MNAT1: variants seen among roughly 807,000 people sequenced by gnomAD.
MNAT1 encodes CDK-activating kinase assembly factor MAT1.
Under a neutral mutation model 42.0 loss-of-function variants are expected in MNAT1, and 43 were observed. That is an observed-to-expected ratio of 1.02 (90% confidence interval 0.80 to 1.32). The LOEUF is 1.32. Among genes scored for constraint, MNAT1 ranks in the 40% most tolerant of loss-of-function variants. The pLI is 0.00. For missense variants in MNAT1, 306 were observed against 350.4 expected (o/e 0.87, Z 1.01); for synonymous variants, 118 against 120.0 (o/e 0.98, Z 0.11).
intron 6 of MNAT1, among the ~76,000 whole-genome samples, chr14:60,869,642 G>C (rs151142943): frequency 2.6e-5 from 4 of 152,032 alleles, no homozygotes; most frequent in Non-Finnish European, 5.9e-5. Flanking sequence ...TTAACCTATC[G>C]GCCTAAATTG....
intron 1 of MNAT1, among the ~76,000 whole-genome samples, chr14:60,750,062 GA>G (rs1471882335): frequency 6.6e-6 from 1 of 152,046 alleles, no homozygotes; most frequent in Non-Finnish European, 1.5e-5. Context: ...TCGAGGTGGG[GA>G]CCAGTATTTT....
chr14:60,878,715 T>C (rs2034484229), intron 6 of MNAT1, among the ~76,000 whole-genome samples: 1 of 152,174 alleles, frequency 6.6e-6, no homozygotes. Flanking sequence ...ACTTTTGCTT[T>C]GACTGGACTA....
chr14:60,905,991 G>T (rs1019191287), intron 7 of MNAT1, among the ~76,000 whole-genome samples: 2 of 152,174 alleles, frequency 1.3e-5, no homozygotes, highest in African/African-American at 4.8e-5. Context: ...ACAAATAAAG[G>T]ATAAAAGGAT....
At chr14:60,915,469 G>A (rs2035492334) in intron 7 of MNAT1, among the ~76,000 whole-genome samples, 1 of 152,076 alleles carries the variant, frequency 6.6e-6, no homozygotes, top group South Asian at 2.1e-4. Flanking sequence ...TGTTTTTGGT[G>A]TCTCTTCACA....
intron 7 of MNAT1, among the ~76,000 whole-genome samples, chr14:60,944,648 G>T (rs1442735558): frequency 2.6e-5 from 4 of 152,120 alleles, no homozygotes; most frequent in African/African-American, 9.7e-5. Context: ...CTCAGGAAAG[G>T]TATGTGGCCT....
intron 7 of MNAT1, among the ~76,000 whole-genome samples, chr14:60,928,360 A>G (rs1014867752): frequency 3.3e-5 from 5 of 152,194 alleles, no homozygotes; most frequent in Admixed American, 2.0e-4. Context: ...ATGTTTTCAT[A>G]TATCTTGGAT....
chr14:60,794,983 A>G (rs1178116819), intron 1 of MNAT1, among the ~76,000 whole-genome samples: 1 of 152,082 alleles, frequency 6.6e-6, no homozygotes, highest in Non-Finnish European at 1.5e-5. Flanking sequence ...TTCTGTCTTT[A>G]TGAAATATAC....
chr14:60,736,476 C>T (rs1305294363), intron 1 of MNAT1, among the ~76,000 whole-genome samples: 1 of 152,080 alleles, frequency 6.6e-6, no homozygotes, highest in Non-Finnish European at 1.5e-5. Context: ...TTGTTGTATC[C>T]TCAGCCCTTT....
intron 1 of MNAT1, among the ~76,000 whole-genome samples, chr14:60,766,680 A>G (rs1349009273): frequency 6.6e-6 from 1 of 152,236 alleles, no homozygotes; most frequent in Non-Finnish European, 1.5e-5. Flanking sequence ...ACTGCACTCC[A>G]GCCTGGCGAC....
intron 1 of MNAT1, chr14:60,780,583 T>C (rs4151186): frequency 0.031 from 46,206 of 1,496,096 alleles, 1,187 homozygotes; most frequent in South Asian, 0.11. Flanking sequence ...ACAAAATTCC[T>C]GTCAATGACT....
At chr14:60,884,753 A>G (rs76879799) in intron 7 of MNAT1, among the ~76,000 whole-genome samples, 1,837 of 152,110 alleles carry the variant, frequency 0.012, 22 homozygotes, top group Middle Eastern at 0.048. Context: ...GTGTGGGAAT[A>G]TTCTGTGTTT....
At chr14:60,769,238 T>C (rs527829801) in intron 1 of MNAT1, among the ~76,000 whole-genome samples, 3 of 152,322 alleles carry the variant, frequency 2.0e-5, no homozygotes, top group African/African-American at 7.2e-5. Flanking sequence ...GGATTCTATA[T>C]AAGTGTATAC....
intron 6 of MNAT1, among the ~76,000 whole-genome samples, chr14:60,870,536 C>A (rs2034305410): frequency 6.6e-6 from 1 of 152,098 alleles, no homozygotes; most frequent in Admixed American, 6.6e-5. Flanking sequence ...AGTGCTAAGA[C>A]CTCACTCTTT....
At chr14:60,928,741 T>A (rs1001617976) in intron 7 of MNAT1, among the ~76,000 whole-genome samples, 1 of 152,044 alleles carries the variant, frequency 6.6e-6, no homozygotes, top group Non-Finnish European at 1.5e-5. Context: ...TGTGATTTTT[T>A]AAATAAAAAA....
At chr14:60,751,129 A>C (rs1036605386) in intron 1 of MNAT1, among the ~76,000 whole-genome samples, 1 of 151,938 alleles carries the variant, frequency 6.6e-6, no homozygotes, top group Non-Finnish European at 1.5e-5. Flanking sequence ...GGGGAAACTG[A>C]AGCCTAAGAA....
At chr14:60,843,714 T>C (rs898080090) in intron 6 of MNAT1, among the ~76,000 whole-genome samples, 2 of 152,216 alleles carry the variant, frequency 1.3e-5, no homozygotes, top group African/African-American at 4.8e-5. Flanking sequence ...CAGACATCTG[T>C]TTTATGAATA....
intron 7 of MNAT1, among the ~76,000 whole-genome samples, chr14:60,914,240 A>G (rs1207575037): frequency 6.6e-6 from 1 of 152,190 alleles, no homozygotes; most frequent in Non-Finnish European, 1.5e-5. Context: ...TTCTTTGACT[A>G]GGAAAGGGAA....
chr14:60,807,388 G>A (rs8017962), intron 3 of MNAT1, among the ~76,000 whole-genome samples: 2,322 of 152,100 alleles, frequency 0.015, 45 homozygotes, highest in African/African-American at 0.048. Flanking sequence ...GGGTAGATCC[G>A]TCTTGTTTGT....
intron 7 of MNAT1, among the ~76,000 whole-genome samples, chr14:60,960,866 G>A (rs1373938421): frequency 6.6e-6 from 1 of 152,166 alleles, no homozygotes. Context: ...ATCCTCCTAA[G>A]GAATCTCTCT....
Sources: gnomAD v4.1 joint callset for allele counts (sites outside exome capture counted in the v4.1 genomes callset) on GRCh38, gnomAD v4.1.1 for gene constraint, MANE v1.5 for transcripts, NCBI Gene and HGNC (gene_info 2026-07-23, HGNC 2026-07-21) for gene names.